ASH1L: variants seen among roughly 807,000 people sequenced by gnomAD.
ASH1L encodes histone-lysine N-methyltransferase ASH1L.
Under a neutral mutation model 269.0 loss-of-function variants are expected in ASH1L, and 23 were observed. The ratio of observed to expected loss-of-function variants is 0.09; its 90% CI spans 0.06 to 0.12. The LOEUF is 0.12. Among genes scored for constraint, ASH1L ranks in the 10% least tolerant of loss-of-function variants. The pLI is 1.00. For synonymous variants in ASH1L, 1,187 were observed against 1,253.5 expected (o/e 0.95, Z 1.12); for missense variants, 2,912 against 3,567.8 (o/e 0.82, Z 4.68).
At chr1:155,494,181 G>A (rs1413674312) in intron 2 of ASH1L, among the ~76,000 whole-genome samples, 1 of 151,964 alleles carries the variant, frequency 6.6e-6, no homozygotes, top group African/African-American at 2.4e-5. Context: ...AAAAGGAGGT[G>A]AAAGACAAAG....
chr1:155,350,796 C>A (rs557077328), intron 17 of ASH1L, among the ~76,000 whole-genome samples: 26 of 152,026 alleles, frequency 1.7e-4, no homozygotes, highest in African/African-American at 5.8e-4. Context: ...TGGCATGCAC[C>A]TGTAGTCCCA....
chr1:155,366,812 T>C lies in ASH1L; in HGVS notation c.6686+3692A>G, dbSNP rs1030102681. On this transcript the variant is annotated intron_variant, in intron 12 of 27. Transcript: ENST00000392403. ...CCCCAGCCTCCAATAGCTGGGACTA[T>C]AGGCGTGTGCCACCACAACCAGCTA... Among the ~76,000 whole-genome samples, 4 of 152,012 alleles carry C rather than the reference T, an allele frequency of 2.6e-5. No homozygotes were observed. In the South Asian group the frequency reaches 6.2e-4, roughly 24 times the overall value.
intron 2 of ASH1L, among the ~76,000 whole-genome samples, chr1:155,491,212 T>C (rs1666760091): frequency 6.6e-6 from 1 of 152,048 alleles, no homozygotes; most frequent in African/African-American, 2.4e-5. Flanking sequence ...TGTTGCACAT[T>C]TTTCCCAATT....
At chr1:155,354,440 T>C in intron 16 of ASH1L, 33 bp downstream of exon 16, 2 of 1,592,578 alleles carry the variant, frequency 1.3e-6, no homozygotes, top group South Asian at 2.3e-5. Context: ...TGAAACTCTG[T>C]CTCAAAAAAA....
intron 3 of ASH1L, among the ~76,000 whole-genome samples, chr1:155,468,381 C>T (rs1210219388): frequency 6.6e-6 from 1 of 152,022 alleles, no homozygotes; most frequent in African/African-American, 2.4e-5. Flanking sequence ...CCTCTTCATA[C>T]TCTGTTCTTT....
intron 2 of ASH1L, among the ~76,000 whole-genome samples, chr1:155,487,083 T>C (rs933733347): frequency 6.6e-6 from 1 of 152,234 alleles, no homozygotes; most frequent in East Asian, 1.9e-4. Flanking sequence ...GATAATCGCT[T>C]GAACCCAGGA....
Position 155,346,367 on chromosome 1 carries a change from C to T in ASH1L, c.7890+16G>A, listed in dbSNP as rs747099780. 2 of 1,612,510 alleles carry T rather than the reference C, an allele frequency of 1.2e-6. No homozygotes were observed. Among genetic ancestry groups the T allele is most frequent in the East Asian group, 4.5e-5 (2 of 44,878 alleles). On this transcript the variant is annotated intron_variant, in intron 21 of 27. Coordinates refer to ENST00000392403, the MANE Select transcript of ASH1L (RefSeq NM_018489.3). ...TCCTACTTATAGATCAGAGTTTTAT[C>T]AGAGGTTCAGCTTACCCTGTCCACA...
intron 7 of ASH1L, among the ~76,000 whole-genome samples, chr1:155,388,040 A>T (rs1657585484): frequency 6.6e-6 from 1 of 152,172 alleles, no homozygotes; most frequent in Non-Finnish European, 1.5e-5. Flanking sequence ...TTGCTTAAGC[A>T]AACACTCCCC....
At chr1:155,508,306 C>T (rs1415571565) in intron 2 of ASH1L, among the ~76,000 whole-genome samples, 1 of 151,992 alleles carries the variant, frequency 6.6e-6, no homozygotes, top group Non-Finnish European at 1.5e-5. Flanking sequence ...TTTTTCTTTC[C>T]ACTTGGGAGG....
intron 25 of ASH1L, 102 bp downstream of exon 25, chr1:155,341,834 G>T: frequency 3.3e-6 from 4 of 1,213,526 alleles, no homozygotes; most frequent in Non-Finnish European, 4.8e-6. Context: ...GATGGAATTT[G>T]GATGAAGAAG....
intron 3 of ASH1L, among the ~76,000 whole-genome samples, chr1:155,476,073 A>G (rs1665515807): frequency 6.6e-6 from 1 of 152,156 alleles, no homozygotes; most frequent in Non-Finnish European, 1.5e-5. Flanking sequence ...CCTAAGCATA[A>G]GACTTTTTCT....
At chr1:155,389,687 A>G (rs1296298524) in intron 7 of ASH1L, among the ~76,000 whole-genome samples, 2 of 152,150 alleles carry the variant, frequency 1.3e-5, no homozygotes, top group African/African-American at 4.8e-5. Flanking sequence ...GAAAACAAAA[A>G]CAAAAACAAA....
rs542271502 is a variant in ASH1L at position 155,562,291 on chromosome 1, G to T, written c.-238C>A. On this transcript the variant is annotated 5_prime_UTR_variant, in exon 1 of 28. Coordinates refer to ENST00000392403, the MANE Select transcript of ASH1L (RefSeq NM_018489.3). ...TTGTCAGGAGGCGGCCAGCGGGTAA[G>T]CTGACTGGCGGAAATGCGAGAGAGG... is the stretch of plus-strand genomic sequence containing the variant. 2.8e-5 allele frequency: 45 copies of T among 1,600,184 alleles called. No individual in the cohort carries two copies. The South Asian group carries it at 4.8e-4, about 17-fold the overall frequency.
In ASH1L at chr1:155,410,579, A is replaced by G. The variant is rs114689769; in HGVS notation, c.6008+5165T>C. 6.0e-3 allele frequency among the ~76,000 whole-genome samples: 913 copies of G among 152,282 alleles called. 6 individuals carry two copies. Among genetic ancestry groups the G allele is most frequent in the Non-Finnish European group, 7.6e-3 (514 of 68,010 alleles). On this transcript the variant is annotated intron_variant, in intron 6 of 27. Transcript: ENST00000392403. ...TTGCCTTCCAAAGTGGCCTCAAGCA[A>G]TCCTCCAGCTCCAGCCGCCTAAAGT...
At chr1:155,360,434 T>G in intron 12 of ASH1L, 25 bp from the exon 13 acceptor site, 1 of 1,492,148 alleles carries the variant, frequency 6.7e-7, no homozygotes, top group Non-Finnish European at 9.3e-7. Flanking sequence ...AACAGAGTTA[T>G]AAAGGCTGGA....
intron 2 of ASH1L, among the ~76,000 whole-genome samples, chr1:155,520,854 C>T (rs1030879419): frequency 9.9e-5 from 15 of 152,112 alleles, no homozygotes; most frequent in Non-Finnish European, 2.1e-4. Context: ...AAGAGCAAAA[C>T]TTAATCTCAA....
At chr1:155,411,966 G>A (rs776201736) in intron 6 of ASH1L, among the ~76,000 whole-genome samples, 23 of 152,016 alleles carry the variant, frequency 1.5e-4, no homozygotes, top group Non-Finnish European at 2.9e-4. Context: ...AAGAGGCCGG[G>A]CGCTGTGGCT....
At chr1:155,413,870 T>A (rs1329195025) in intron 6 of ASH1L, among the ~76,000 whole-genome samples, 1 of 152,214 alleles carries the variant, frequency 6.6e-6, no homozygotes, top group Non-Finnish European at 1.5e-5. Context: ...TAAGTGCCTA[T>A]CTTTTTAAAG....
At chr1:155,526,247 T>C (rs1669244234) in intron 1 of ASH1L, among the ~76,000 whole-genome samples, 1 of 152,218 alleles carries the variant, frequency 6.6e-6, no homozygotes, top group African/African-American at 2.4e-5. Context: ...TTAAGGTTCC[T>C]GTAACTTCTA....
Sources: gnomAD v4.1 joint callset for allele counts (sites outside exome capture counted in the v4.1 genomes callset) on GRCh38, gnomAD v4.1.1 for gene constraint, MANE v1.5 for transcripts, NCBI Gene and HGNC (gene_info 2026-07-23, HGNC 2026-07-21) for gene names.